Variants in GLT1D1 observed in about 807,000 individuals in gnomAD.
The protein encoded by GLT1D1 is glycosyltransferase 1 domain-containing protein 1.
GLT1D1 carries 21 observed loss-of-function variants against 28.7 expected under a neutral mutation model. That is an observed-to-expected ratio of 0.73 (90% CI 0.52 to 1.05). The LOEUF (loss-of-function observed/expected upper bound fraction) is 1.05. Among genes scored for constraint, GLT1D1 ranks in the 50% least tolerant of loss-of-function variants. GLT1D1 has a pLI of 0.00. For synonymous variants in GLT1D1, 147 were observed against 124.8 expected, an observed-to-expected ratio of 1.18 and a Z score of -1.19; for missense variants, 343 against 330.6, an observed-to-expected ratio of 1.04 and a Z score of -0.29.
chr12:128,901,009 CCT>C (rs2135856693), intron 4 of GLT1D1, among the ~76,000 whole-genome samples: 1 of 152,284 alleles, frequency 6.6e-6, no homozygotes, highest in Admixed American at 6.5e-5. Flanking sequence ...GGTCCCTGGA[CCT>C]CTGAGATTCC....
At chr12:128,864,064 G>A in intron 1 of GLT1D1, 1 of 565,438 alleles carries the variant, frequency 1.8e-6, no homozygotes. Flanking sequence ...CCTGGCTTGT[G>A]CCGCTGTGTG....
At chr12:128,915,132 G>T in intron 4 of GLT1D1, 143 bp downstream of exon 6, 1 of 651,618 alleles carries the variant, frequency 1.5e-6, no homozygotes, top group Non-Finnish European at 2.6e-6. Flanking sequence ...GGCTTCATGA[G>T]TAGTTTTATC....
chr12:128,920,469 G>T (rs1257483028), intron 4 of GLT1D1, among the ~76,000 whole-genome samples: 1 of 152,134 alleles, frequency 6.6e-6, no homozygotes, highest in East Asian at 1.9e-4. Flanking sequence ...CAGGAGAATT[G>T]CTTGGACCTG....
intron 4 of GLT1D1, among the ~76,000 whole-genome samples, chr12:128,936,647 T>G (rs1288404921): frequency 6.6e-6 from 1 of 152,326 alleles, no homozygotes; most frequent in Admixed American, 6.5e-5. Context: ...TGGTGCTCTT[T>G]GATAAGGAGT....
chr12:128,890,433 T>TA (rs956334194), intron 3 of GLT1D1, among the ~76,000 whole-genome samples: 10 of 152,172 alleles, frequency 6.6e-5, no homozygotes, highest in African/African-American at 2.4e-4. Context: ...AAGCCTTGAT[T>TA]AAAAAAATCA....
chr12:128,939,399 TA>T lies in GLT1D1; in HGVS notation c.376-5909del, dbSNP rs772160842. On this transcript the variant is annotated intron_variant, in intron 4 of 7. Transcript: ENST00000281703. ...CAATATGGCGAAACCCTGTCTCTAC[TA>T]AAAAAAAAAAAAAAAAAGTACACAT... Among the ~76,000 whole-genome samples the T allele has an allele frequency of 5.3e-3, 622 of 116,510 alleles. 1 individual carries two copies. Among genetic ancestry groups the T allele is most frequent in the Middle Eastern group, 0.012 (3 of 242 alleles). The allele number at this position is 116,510 out of a possible 152,430, so 76.4% of individuals were successfully genotyped here.
intron 1 of GLT1D1, among the ~76,000 whole-genome samples, chr12:128,861,376 A>G (rs761377940): frequency 1.3e-5 from 2 of 152,158 alleles, no homozygotes; most frequent in Non-Finnish European, 2.9e-5. Flanking sequence ...CGTGCTCTAC[A>G]TCTTGATATC....
intron 1 of GLT1D1, among the ~76,000 whole-genome samples, chr12:128,867,277 C>T (rs1243034502): frequency 6.6e-6 from 1 of 151,248 alleles, no homozygotes; most frequent in Non-Finnish European, 1.5e-5. Flanking sequence ...CCTGTAATCC[C>T]AGGCATGTAC....
intron 7 of GLT1D1, among the ~76,000 whole-genome samples, chr12:128,970,418 T>G (rs1395640462): frequency 6.6e-6 from 1 of 152,226 alleles, no homozygotes; most frequent in African/African-American, 2.4e-5. Context: ...ACCGAGGGGC[T>G]GTAGGGTCTT....
At chr12:128,980,208 C>A (rs1273480015) in intron 7 of GLT1D1, among the ~76,000 whole-genome samples, 1 of 152,216 alleles carries the variant, frequency 6.6e-6, no homozygotes, top group Non-Finnish European at 1.5e-5. Flanking sequence ...CACCCACACT[C>A]ACGTCACAGG....
intron 6 of GLT1D1, among the ~76,000 whole-genome samples, chr12:128,950,917 C>T (rs904328557): frequency 6.6e-6 from 1 of 152,084 alleles, no homozygotes; most frequent in Admixed American, 6.5e-5. Flanking sequence ...GTTGAAGGAC[C>T]TGAACTTCCA....
intron 4 of GLT1D1, chr12:128,944,326 T>C: frequency 1.4e-6 from 1 of 712,642 alleles, no homozygotes; most frequent in South Asian, 1.4e-5. Context: ...GAGGAAAGCA[T>C]ATCCACAGGG....
intron 4 of GLT1D1, among the ~76,000 whole-genome samples, chr12:128,926,734 G>T (rs1260995851): frequency 6.6e-6 from 1 of 152,116 alleles, no homozygotes; most frequent in Non-Finnish European, 1.5e-5. Context: ...AATTTTACCT[G>T]AAAATATTTC....
At position 128,900,630 on chromosome 12, in the gene GLT1D1, A is replaced by G. The variant is rs956888154; in HGVS notation, c.375+1343A>G. ...TCCTGGTTTCCAGTTTTATTGTAATACCAAACTTTTTTTTTTTTTTTTTGA... is the reference window on the plus strand; with the variant it reads ...TCCTGGTTTCCAGTTTTATTGTAATGCCAAACTTTTTTTTTTTTTTTTTGA... On this transcript the variant is annotated intron_variant, in intron 4 of 7. Coordinates refer to ENST00000281703, the MANE Select transcript of GLT1D1 (RefSeq NM_144669.3). Among the ~76,000 whole-genome samples, 12 of 149,972 alleles carry G rather than the reference A, an allele frequency of 8.0e-5. No homozygotes were observed. The East Asian group carries it at 2.4e-3, about 29-fold the overall frequency.
chr12:128,972,134 C>A (rs528107935), intron 7 of GLT1D1, among the ~76,000 whole-genome samples: 1 of 152,168 alleles, frequency 6.6e-6, no homozygotes, highest in Non-Finnish European at 1.5e-5. Context: ...AGCCATGAGA[C>A]GACCAGGGTG....
At chr12:128,866,992 A>G (rs1253878814) in intron 1 of GLT1D1, among the ~76,000 whole-genome samples, 2 of 151,864 alleles carry the variant, frequency 1.3e-5, no homozygotes, top group African/African-American at 4.8e-5. Context: ...TCCACCACAC[A>G]CTGTCTCCCC....
chr12:128,916,146 T>C (rs1187137644), intron 4 of GLT1D1, among the ~76,000 whole-genome samples: 1 of 152,256 alleles, frequency 6.6e-6, no homozygotes, highest in African/African-American at 2.4e-5. Context: ...TGGCTTTCTT[T>C]GTTCAACTAA....
intron 4 of GLT1D1, among the ~76,000 whole-genome samples, chr12:128,941,111 G>A (rs896998440): frequency 7.9e-5 from 12 of 152,122 alleles, no homozygotes; most frequent in African/African-American, 1.7e-4. Context: ...TGTAACTCAC[G>A]TGGCATCGTG....
chr12:128,889,161 G>C (rs552145696), intron 3 of GLT1D1, among the ~76,000 whole-genome samples: 196 of 152,190 alleles, frequency 1.3e-3, no homozygotes, highest in Non-Finnish European at 2.5e-3. Context: ...TCTGGATGTA[G>C]AAAACACGAA....
Sources: allele counts gnomAD v4.1 joint callset (sites outside exome capture counted in the v4.1 genomes callset), GRCh38; gene constraint gnomAD v4.1.1; transcripts MANE v1.5; gene names NCBI Gene and HGNC (gene_info 2026-07-23, HGNC 2026-07-21).